Variants in RFX3 observed in about 807,000 individuals in gnomAD.
The protein encoded by RFX3 is regulatory factor X3.
RFX3 carries 14 observed loss-of-function variants against 98.6 expected under a neutral mutation model. The observed-to-expected ratio is 0.14, with a 90% CI of 0.09 to 0.22. RFX3 has a LOEUF of 0.22. Ranked by LOEUF, RFX3 falls within the 10% of genes least tolerant of loss-of-function variation. The probability of loss-of-function intolerance (pLI) is 1.00; values close to 1 mark genes in which losing one functional copy is unlikely to be tolerated. For synonymous variants in RFX3, 383 were observed against 328.4 expected (o/e 1.17, Z -1.80); for missense variants, 639 against 926.9 (o/e 0.69, Z 4.03).
chr9:3,306,781 T>C (rs1211413977), intron 4 of RFX3, among the ~76,000 whole-genome samples: 2 of 151,526 alleles, frequency 1.3e-5, no homozygotes, highest in Non-Finnish European at 2.9e-5. Context: ...AATTGACAAA[T>C]AATACCTGGC....
At chr9:3,472,957 C>T (rs1242347725) in intron 1 of RFX3, among the ~76,000 whole-genome samples, 1 of 152,110 alleles carries the variant, frequency 6.6e-6, no homozygotes, top group Non-Finnish European at 1.5e-5. Context: ...GCTATTCAGG[C>T]CCTTTCCTTT....
intron 2 of RFX3, among the ~76,000 whole-genome samples, chr9:3,390,577 C>T (rs193093716): frequency 7.2e-5 from 11 of 152,244 alleles, no homozygotes; most frequent in Admixed American, 7.2e-4. Context: ...TCCCACAATT[C>T]CCACATTGTT....
chr9:3,425,504 C>G (rs1564084929), intron 1 of RFX3, among the ~76,000 whole-genome samples: 1 of 152,192 alleles, frequency 6.6e-6, no homozygotes, highest in Admixed American at 6.5e-5. Flanking sequence ...GCCCTATCTT[C>G]TCTGTACCAT....
intron 3 of RFX3, among the ~76,000 whole-genome samples, chr9:3,336,092 CA>C (rs1167610000): frequency 6.6e-6 from 1 of 152,034 alleles, no homozygotes; most frequent in Admixed American, 6.6e-5. Flanking sequence ...TAAAATCAAC[CA>C]ATGGCATGAA....
chr9:3,471,472 C>T (rs992757186), intron 1 of RFX3, among the ~76,000 whole-genome samples: 1 of 152,182 alleles, frequency 6.6e-6, no homozygotes, highest in Non-Finnish European at 1.5e-5. Context: ...ACAAGTTTGG[C>T]TTCAACATAT....
intron 1 of RFX3, among the ~76,000 whole-genome samples, chr9:3,460,260 T>A (rs191109195): frequency 3.7e-4 from 57 of 152,168 alleles, no homozygotes; most frequent in African/African-American, 1.3e-3. Flanking sequence ...ATACTAAATC[T>A]ATTCTGGGCT....
chr9:3,344,663 T>C (rs1834245116), intron 3 of RFX3: 3 of 581,932 alleles, frequency 5.2e-6, no homozygotes, highest in Non-Finnish European at 3.1e-6. Context: ...ACTCCCATTC[T>C]CACATTCCCC....
chr9:3,454,978 T>C (rs928837620), intron 1 of RFX3, among the ~76,000 whole-genome samples: 1 of 152,198 alleles, frequency 6.6e-6, no homozygotes. Context: ...TCTTCAGAAC[T>C]GAATTCCACT....
chr9:3,285,653 G>A (rs905630897), intron 7 of RFX3, among the ~76,000 whole-genome samples: 1 of 151,420 alleles, frequency 6.6e-6, no homozygotes, highest in Non-Finnish European at 1.5e-5. Context: ...CATTTTAAGA[G>A]CAACTGTCTA....
intron 1 of RFX3, among the ~76,000 whole-genome samples, chr9:3,507,756 C>T (rs141423082): frequency 4.0e-4 from 61 of 152,002 alleles, no homozygotes; most frequent in Middle Eastern, 3.4e-3. Context: ...AATGTAAGTG[C>T]TATATAAAGT....
intron 1 of RFX3, among the ~76,000 whole-genome samples, chr9:3,400,464 G>A (rs1304318356): frequency 6.6e-6 from 1 of 152,156 alleles, no homozygotes; most frequent in African/African-American, 2.4e-5. Flanking sequence ...TATCAACCAA[G>A]TCCTAGTATA....
intron 3 of RFX3, among the ~76,000 whole-genome samples, chr9:3,340,008 C>T (rs1833681938): frequency 6.6e-6 from 1 of 152,236 alleles, no homozygotes. Context: ...AACTATACTA[C>T]AAGGCTACAG....
At chr9:3,410,896 C>T (rs184663771) in intron 1 of RFX3, among the ~76,000 whole-genome samples, 2 of 152,200 alleles carry the variant, frequency 1.3e-5, no homozygotes, top group East Asian at 3.9e-4. Flanking sequence ...TCATAAGTTA[C>T]CCATGCCTAA....
intron 3 of RFX3, among the ~76,000 whole-genome samples, chr9:3,340,139 A>T (rs1833700252): frequency 6.6e-6 from 1 of 152,232 alleles, no homozygotes; most frequent in Admixed American, 6.5e-5. Flanking sequence ...CCTGGCAAAA[A>T]CAAGCAATGG....
intron 2 of RFX3, among the ~76,000 whole-genome samples, chr9:3,348,400 G>A (rs1410157613): frequency 6.6e-6 from 1 of 151,848 alleles, no homozygotes; most frequent in South Asian, 2.1e-4. Context: ...TCTATTAATA[G>A]TATCCTGCTC....
intron 1 of RFX3, among the ~76,000 whole-genome samples, chr9:3,523,216 T>C (rs1006012620): frequency 6.6e-6 from 1 of 152,206 alleles, no homozygotes. Flanking sequence ...TATTTAATAG[T>C]TTTAGTTTCA....
In RFX3 at chr9:3,395,573, T is replaced by A. The variant is rs779573831; in HGVS notation, c.16A>T (p.Thr6Ser). Residue 6 changes from threonine (T) to serine (S), a missense_variant, in exon 2 of 17, where the codon ACT becomes TCT. Transcript: ENST00000617270. ...ACTGTCGAGCCTGTGTCCGACCCAG[T>A]CTCTGATGTCTGCATGATGGTCTCT... The part of the protein sequence containing the change: MQTSE[T>S]GSDTGSTVTL... 1.2e-6 allele frequency: 2 copies of A among 1,614,004 alleles called. No homozygotes were observed. Among genetic ancestry groups the A allele is most frequent in the Admixed American group, 3.3e-5 (2 of 60,006 alleles).
Position 3,225,194 on chromosome 9 carries a change from T to C in RFX3, c.2098A>G (p.Ser700Gly). The change falls in exon 17 of 17, where the codon AGC (serine) becomes GGC (glycine). Residue 700 changes from serine to glycine, a missense_variant. By Grantham distance (56) the Ser-to-Gly change is moderately conservative. Transcript: ENST00000617270. ...PQAKREKTEL[S>G]QAFPVGCMQP... ...ATGCAGCCCACTGGAAATGCCTGGC[T>C]CAGCTCTGTTTTCTCTCTTTTGGCT... is the stretch of plus-strand genomic sequence containing the variant. 1 of 1,613,934 alleles carries C rather than the reference T, an allele frequency of 6.2e-7. No homozygotes were observed. The highest frequency in any genetic ancestry group is 8.5e-7 in the Non-Finnish European group (1 of 1,179,930).
intron 1 of RFX3, among the ~76,000 whole-genome samples, chr9:3,471,820 C>G (rs188671298): frequency 1.3e-5 from 2 of 152,334 alleles, no homozygotes; most frequent in Admixed American, 6.5e-5. Flanking sequence ...AGCAGTACTG[C>G]CTAGAATTCT....
Sources: allele counts gnomAD v4.1 joint callset (sites outside exome capture counted in the v4.1 genomes callset), GRCh38; gene constraint gnomAD v4.1.1; transcripts MANE v1.5; gene names NCBI Gene and HGNC (gene_info 2026-07-23, HGNC 2026-07-21).